SBK1: variants seen among roughly 807,000 people sequenced by gnomAD.
The protein encoded by SBK1 is SH3 domain binding kinase 1.
SBK1 carries 11 observed loss-of-function variants against 24.4 expected under a neutral mutation model. The ratio of observed to expected loss-of-function variants is 0.45; its 90% CI spans 0.28 to 0.75. The LOEUF (loss-of-function observed/expected upper bound fraction) is 0.75, where lower values mean the gene tolerates loss of function less well. SBK1 is among the 30% of genes least tolerant of loss of function. The probability of loss-of-function intolerance (pLI) is 0.12; values close to 1 mark genes in which losing one functional copy is unlikely to be tolerated. For missense variants in SBK1, 467 were observed against 620.5 expected (o/e 0.75, Z 2.63); for synonymous variants, 308 against 284.4 (o/e 1.08, Z -0.83).
intron 1 of SBK1, among the ~76,000 whole-genome samples, chr16:28,272,311 C>T (rs1455738729): frequency 2.6e-5 from 4 of 152,046 alleles, no homozygotes; most frequent in Non-Finnish European, 5.9e-5. Flanking sequence ...CTCAAGTGGT[C>T]CTCTAGCCTC....
intron 1 of SBK1, among the ~76,000 whole-genome samples, chr16:28,297,130 G>C (rs1302802357): frequency 6.6e-6 from 1 of 152,044 alleles, no homozygotes; most frequent in Admixed American, 6.6e-5. Flanking sequence ...AGGAGTTTGC[G>C]ACCAGCCTGG....
intron 1 of SBK1, among the ~76,000 whole-genome samples, chr16:28,262,176 A>G (rs1043048325): frequency 2.0e-5 from 3 of 152,118 alleles, no homozygotes; most frequent in Non-Finnish European, 2.9e-5. Context: ...CAGTGGGGCA[A>G]TGAGGCTGGG....
In SBK1 at chr16:28,320,957, G is replaced by A. The variant is rs1331109208; in HGVS notation, c.*36G>A. 49 of 1,355,498 alleles carry A rather than the reference G, an allele frequency of 3.6e-5. No homozygotes were observed. Among genetic ancestry groups the A allele is most frequent in the South Asian group, 3.5e-4 (22 of 62,540 alleles). 84.0% of individuals were successfully genotyped at this position (1,355,498 alleles called of 1,614,324 possible). A position where few individuals can be genotyped will look rare whatever the true frequency, so the allele number is the denominator to read the frequency against. ...CCGCCCTCGGACCCGGGAGCAGCCCGGGCCCGCCCCGAGCCGGTGCCCGGT... is the reference window on the plus strand; with the variant it reads ...CCGCCCTCGGACCCGGGAGCAGCCCAGGCCCGCCCCGAGCCGGTGCCCGGT... On this transcript the variant is annotated 3_prime_UTR_variant, in exon 4 of 4. Coordinates refer to ENST00000341901, the MANE Select transcript of SBK1 (RefSeq NM_001024401.3). The surrounding 1 kb of genome is among the most constrained non-coding windows in gnomAD (Gnocchi z 8.5).
chr16:28,266,472 T>A (rs1469628044), intron 1 of SBK1, among the ~76,000 whole-genome samples: 1 of 152,174 alleles, frequency 6.6e-6, no homozygotes, highest in Non-Finnish European at 1.5e-5. Flanking sequence ...TAAACTGAGT[T>A]GCCTTAAACT....
intron 1 of SBK1, among the ~76,000 whole-genome samples, chr16:28,276,746 C>A: frequency 6.6e-6 from 1 of 151,978 alleles, no homozygotes; most frequent in East Asian, 1.9e-4. Context: ...CTCACTGCAA[C>A]CTCCGCCTCC....
chr16:28,305,203 A>ATCTT lies in SBK1; in HGVS notation c.-8+11917_-8+11920dup, dbSNP rs200971795. Among the ~76,000 whole-genome samples the ATCTT allele has an allele frequency of 8.5e-3, 1,284 of 151,682 alleles. 19 individuals are homozygous for ATCTT. Among genetic ancestry groups the ATCTT allele is most frequent in the African/African-American group, 0.03 (1,224 of 41,318 alleles). On this transcript the variant is annotated intron_variant, in intron 1 of 3. Transcript: ENST00000341901. ...CTGCCTCAAGGTTTCTCCCCGCCAG[A>ATCTT]TCTTTCTTTCTTTCTTTTCTTTTTT...
chr16:28,263,919 G>A (rs2044412406), intron 1 of SBK1, among the ~76,000 whole-genome samples: 1 of 152,090 alleles, frequency 6.6e-6, no homozygotes, highest in African/African-American at 2.4e-5. Flanking sequence ...GAGCCCAGGA[G>A]CTCCAGACCA....
chr16:28,300,081 T>A lies in SBK1; in HGVS notation c.-8+6781T>A, dbSNP rs767706015. ...AGGACTTCTCACTGCCTGACACACA[T>A]CTCCTGCTCATCTTTGTCACTGTGT... On this transcript the variant is annotated intron_variant, in intron 1 of 3. Transcript: ENST00000341901. 3.3e-5 allele frequency among the ~76,000 whole-genome samples: 5 copies of A among 152,340 alleles called. No individual in the cohort carries two copies. In the East Asian group the frequency reaches 7.7e-4, roughly 24 times the overall value.
chr16:28,293,875 G>C (rs888678899), intron 1 of SBK1, among the ~76,000 whole-genome samples: 7 of 152,154 alleles, frequency 4.6e-5, no homozygotes, highest in African/African-American at 1.7e-4. Flanking sequence ...CACACTGGCG[G>C]TCTTTACCTA....
At chr16:28,318,849 T>C (rs2044816801) in intron 2 of SBK1, 146 bp from the exon 3 acceptor site, 2 of 711,564 alleles carry the variant, frequency 2.8e-6, no homozygotes, top group South Asian at 3.3e-5. Context: ...CTTTCCTCTC[T>C]CTGGGTCTGT....
At chr16:28,296,234 C>G (rs1467216117) in intron 1 of SBK1, among the ~76,000 whole-genome samples, 3 of 151,870 alleles carry the variant, frequency 2.0e-5, no homozygotes, top group Non-Finnish European at 4.4e-5. Context: ...GCTGGGATTA[C>G]AGGCACCCGC....
intron 1 of SBK1, among the ~76,000 whole-genome samples, chr16:28,262,468 C>A (rs1473415772): frequency 6.6e-6 from 1 of 152,024 alleles, no homozygotes; most frequent in African/African-American, 2.4e-5. Context: ...GTGACCAGTT[C>A]ACTCCTTTGT....
chr16:28,274,688 T>C (rs1214235972), intron 1 of SBK1, among the ~76,000 whole-genome samples: 1 of 152,008 alleles, frequency 6.6e-6, no homozygotes, highest in Admixed American at 6.6e-5. Context: ...TCAATTGTTC[T>C]GTAAGCCTAA....
At chr16:28,305,349 A>AT (rs2044708594) in intron 1 of SBK1, among the ~76,000 whole-genome samples, 1 of 151,896 alleles carries the variant, frequency 6.6e-6, no homozygotes, top group Non-Finnish European at 1.5e-5. Context: ...AGTAGCTGGG[A>AT]TTACAGGTGT....
chr16:28,296,337 CCCT>C (rs2044640563), intron 1 of SBK1, among the ~76,000 whole-genome samples: 2 of 152,032 alleles, frequency 1.3e-5, no homozygotes, highest in African/African-American at 2.4e-5. Context: ...TCGTGATCCA[CCCT>C]CCTCGGCCTC....
At chr16:28,261,869 T>A (rs572804349) in intron 1 of SBK1, among the ~76,000 whole-genome samples, 1 of 152,250 alleles carries the variant, frequency 6.6e-6, no homozygotes, top group East Asian at 1.9e-4. Flanking sequence ...CCCTCATCCC[T>A]TCATCTCCCA....
Position 28,322,020 on chromosome 16 carries a change from T to C in SBK1, c.*1099T>C, listed in dbSNP as rs1413476189. On this transcript the variant is annotated 3_prime_UTR_variant, in exon 4 of 4. Coordinates refer to ENST00000341901, the MANE Select transcript of SBK1 (RefSeq NM_001024401.3). ...GACCCCATCCTCACGTCTCCCACTT[T>C]TCTGGCGCTGGAGTGTGCAGGGCGT... 1.3e-5 allele frequency: 2 copies of C among 152,330 alleles called. No homozygotes were observed. Among genetic ancestry groups the C allele is most frequent in the Non-Finnish European group, 2.9e-5 (2 of 68,048 alleles). The allele number at this position is 152,330 out of a possible 1,614,324, so 9.4% of individuals were successfully genotyped here.
intron 1 of SBK1, among the ~76,000 whole-genome samples, chr16:28,293,591 C>T (rs894384017): frequency 1.6e-4 from 19 of 117,400 alleles, no homozygotes; most frequent in Non-Finnish European, 2.7e-4. Flanking sequence ...GGCGGAGAGT[C>T]CCCCCCCAAA....
intron 1 of SBK1, among the ~76,000 whole-genome samples, chr16:28,306,853 AC>A (rs1384229399): frequency 2.0e-5 from 3 of 152,152 alleles, no homozygotes; most frequent in Non-Finnish European, 2.9e-5. Flanking sequence ...CCTGAATGTG[AC>A]CCTGTAGGCA....
Sources: gnomAD v4.1 joint callset for allele counts (sites outside exome capture counted in the v4.1 genomes callset) on GRCh38, gnomAD v4.1.1 for gene constraint, Gnocchi (gnomAD v3.1) non-coding constraint, MANE v1.5 for transcripts, NCBI Gene and HGNC (gene_info 2026-07-23, HGNC 2026-07-21) for gene names.